The following BAG4 variants were observed in gnomAD, a reference collection of about 807,000 sequenced individuals.
BAG4 encodes the protein BAG family molecular chaperone regulator 4.
BAG4 carries 28 observed loss-of-function variants against 52.1 expected under a neutral mutation model. The ratio of observed to expected loss-of-function variants is 0.54; its 90% CI spans 0.40 to 0.74. The LOEUF is 0.74. Ranked by LOEUF, BAG4 falls within the 30% of genes least tolerant of loss-of-function variation. The pLI is 0.00. For missense variants in BAG4, 525 were observed against 572.0 expected (o/e 0.92, Z 0.84); for synonymous variants, 208 against 217.0 (o/e 0.96, Z 0.37).
rs1318130123 is a variant in BAG4 at position 38,211,224 on chromosome 8, T to A, written c.*731T>A. On this transcript the variant is annotated 3_prime_UTR_variant, in exon 5 of 5. Coordinates refer to ENST00000287322, the MANE Select transcript of BAG4 (RefSeq NM_004874.4). ...CTTCTTTTTTTTTTTTTTTTTTTTT[T>A]ACCACTTCTGCTGTTCATGGTAGTA... 5.4e-5 allele frequency: 8 copies of A among 148,698 alleles called. No individual in the cohort carries two copies. The highest frequency in any genetic ancestry group is 8.9e-5 in the Non-Finnish European group (6 of 67,244). 9.2% of individuals were successfully genotyped at this position (148,698 alleles called of 1,614,324 possible).
chr8:38,196,159 T>G (rs1020982744), intron 2 of BAG4, among the ~76,000 whole-genome samples: 2 of 152,216 alleles, frequency 1.3e-5, no homozygotes, highest in Non-Finnish European at 2.9e-5. Context: ...TGTACAAATT[T>G]TTATGTGGAA....
intron 2 of BAG4, 48 bp from the exon 3 acceptor site, chr8:38,207,464 G>A: frequency 1.3e-6 from 2 of 1,580,494 alleles, no homozygotes; most frequent in Non-Finnish European, 1.7e-6. Flanking sequence ...GGGCATTTCA[G>A]CTCTTCTACT....
At chr8:38,199,056 A>G (rs1448177383) in intron 2 of BAG4, among the ~76,000 whole-genome samples, 1 of 152,236 alleles carries the variant, frequency 6.6e-6, no homozygotes, top group Non-Finnish European at 1.5e-5. Context: ...CAAATGTCGT[A>G]TGTAGTAAAT....
At chr8:38,203,939 G>A (rs914310846) in intron 2 of BAG4, 3 of 152,134 alleles carry the variant, frequency 2.0e-5, no homozygotes, top group South Asian at 2.1e-4. Flanking sequence ...TCTGATGTAA[G>A]TGACTCCATC....
intron 1 of BAG4, among the ~76,000 whole-genome samples, chr8:38,182,763 T>G (rs182111488): frequency 1.3e-5 from 2 of 152,242 alleles, no homozygotes; most frequent in Admixed American, 1.3e-4. Flanking sequence ...AGACTTTCAC[T>G]GTTACTAGGG....
intron 1 of BAG4, among the ~76,000 whole-genome samples, chr8:38,188,202 T>C (rs1803400103): frequency 6.6e-6 from 1 of 151,588 alleles, no homozygotes; most frequent in African/African-American, 2.4e-5. Context: ...CAAAAACACA[T>C]GAGACATATA....
chr8:38,204,555 G>C (rs1021434232), intron 2 of BAG4, among the ~76,000 whole-genome samples: 7 of 151,954 alleles, frequency 4.6e-5, no homozygotes, highest in Non-Finnish European at 7.4e-5. Flanking sequence ...ACTTTGGGAG[G>C]CTGAGGTGCC....
intron 2 of BAG4, among the ~76,000 whole-genome samples, chr8:38,205,014 T>C (rs545868228): frequency 6.6e-6 from 1 of 152,154 alleles, no homozygotes; most frequent in African/African-American, 2.4e-5. Flanking sequence ...TGGTCAGTTC[T>C]AACAGTAAAA....
chr8:38,190,067 G>A (rs112684009), intron 1 of BAG4, among the ~76,000 whole-genome samples: 1 of 152,146 alleles, frequency 6.6e-6, no homozygotes, highest in Non-Finnish European at 1.5e-5. Flanking sequence ...TTACAGGTGT[G>A]AGCCGCTGCA....
At chr8:38,203,654 T>C (rs969109282) in intron 2 of BAG4, among the ~76,000 whole-genome samples, 1 of 151,790 alleles carries the variant, frequency 6.6e-6, no homozygotes, top group South Asian at 2.1e-4. Flanking sequence ...CCTACAGGGA[T>C]TTTTTGTGAG....
At chr8:38,181,095 CA>C (rs1165038510) in intron 1 of BAG4, among the ~76,000 whole-genome samples, 1 of 151,974 alleles carries the variant, frequency 6.6e-6, no homozygotes, top group Non-Finnish European at 1.5e-5. Flanking sequence ...CACCCGCCAC[CA>C]CGCCCGGCCA....
chr8:38,178,676 A>G (rs1156468203), intron 1 of BAG4, among the ~76,000 whole-genome samples: 1 of 152,278 alleles, frequency 6.6e-6, no homozygotes, highest in African/African-American at 2.4e-5. Context: ...CCTTGAAAAC[A>G]TCACACTACG....
Position 38,177,091 on chromosome 8 carries a change from C to T in BAG4, c.222C>T (p.Pro74=), listed in dbSNP as rs958333551. ...GEGGGGDGYY[P]SGGAWPEPGR... is the part of the protein sequence containing the mutation. The stretch of plus-strand genomic sequence containing the variant: ...GCGGAGGAGGCGATGGCTACTATCC[C>T]TCGGGAGGCGCCTGGCCAGAGCCTG... The change falls in exon 1 of 5, where the codon CCC becomes CCT. Residue 74 remains proline, a synonymous_variant. Transcript: ENST00000287322. 1.9e-6 allele frequency: 3 copies of T among 1,612,728 alleles called. No homozygotes were observed. Among genetic ancestry groups the T allele is most frequent in the Non-Finnish European group, 2.5e-6 (3 of 1,179,848 alleles).
At chr8:38,177,724 C>CT (rs1017755129) in intron 1 of BAG4, among the ~76,000 whole-genome samples, 17 of 152,102 alleles carry the variant, frequency 1.1e-4, no homozygotes, top group South Asian at 6.2e-4. Context: ...TACAGCGGCC[C>CT]TTTTTTTTGT....
intron 1 of BAG4, among the ~76,000 whole-genome samples, chr8:38,189,617 C>A (rs1382301022): frequency 6.6e-6 from 1 of 152,170 alleles, no homozygotes; most frequent in Non-Finnish European, 1.5e-5. Flanking sequence ...CAGTTCAGGT[C>A]TACCTGTGTG....
At chr8:38,189,330 T>C (rs1259160189) in intron 1 of BAG4, among the ~76,000 whole-genome samples, 1 of 152,336 alleles carries the variant, frequency 6.6e-6, no homozygotes, top group African/African-American at 2.4e-5. Flanking sequence ...TAACAACTAA[T>C]GGATGCAGTT....
At chr8:38,191,633 G>A (rs983622777) in intron 1 of BAG4, among the ~76,000 whole-genome samples, 1 of 152,036 alleles carries the variant, frequency 6.6e-6, no homozygotes, top group Non-Finnish European at 1.5e-5. Flanking sequence ...GGTGGCAGGT[G>A]CCTGTAATCC....
intron 2 of BAG4, among the ~76,000 whole-genome samples, chr8:38,203,235 G>A (rs1166509390): frequency 2.6e-5 from 4 of 151,992 alleles, no homozygotes; most frequent in Non-Finnish European, 4.4e-5. Context: ...ATTGCTAAGC[G>A]AGTGTTCTTA....
At chr8:38,198,946 T>C (rs1803614328) in intron 2 of BAG4, among the ~76,000 whole-genome samples, 1 of 152,180 alleles carries the variant, frequency 6.6e-6, no homozygotes, top group Admixed American at 6.5e-5. Context: ...GATAAATGCC[T>C]GGTTCTGGAA....
Sources: gnomAD v4.1 joint callset for allele counts (sites outside exome capture counted in the v4.1 genomes callset) on GRCh38, gnomAD v4.1.1 for gene constraint, MANE v1.5 for transcripts, NCBI Gene and HGNC (gene_info 2026-07-23, HGNC 2026-07-21) for gene names.